FGGY: variants seen among roughly 807,000 people sequenced by gnomAD.
The protein encoded by FGGY is FGGY carbohydrate kinase domain containing.
In FGGY, 72 loss-of-function variants were observed where a neutral mutation model predicts 71.3. The ratio of observed to expected loss-of-function variants is 1.01; its 90% CI spans 0.84 to 1.23. The LOEUF is 1.23. Among genes scored for constraint, FGGY ranks in the 50% most tolerant of loss-of-function variants. FGGY has a pLI of 0.00. For missense variants in FGGY, 668 were observed against 682.3 expected (o/e 0.98, Z 0.23); for synonymous variants, 251 against 250.3 (o/e 1.00, Z -0.02).
At chr1:59,444,083 A>C (rs942591805) in intron 5 of FGGY, among the ~76,000 whole-genome samples, 1 of 152,308 alleles carries the variant, frequency 6.6e-6, no homozygotes, top group East Asian at 1.9e-4. Context: ...AGGCAGGAGC[A>C]AACCCAAGGG....
In FGGY at chr1:59,748,574, T is replaced by C. The variant is rs575150676; in HGVS notation, c.1513-9357T>C. Among the ~76,000 whole-genome samples, 8 of 152,308 alleles carry C rather than the reference T, an allele frequency of 5.3e-5. No homozygotes were observed. The East Asian group carries it at 1.4e-3, about 26-fold the overall frequency. ...CCAGCCCAGTAAGCAGGGCATGAGATGAGACTGGAGACATCTGCATAAACT... is the reference window on the plus strand; with the variant it reads ...CCAGCCCAGTAAGCAGGGCATGAGACGAGACTGGAGACATCTGCATAAACT... On this transcript the variant is annotated intron_variant, in intron 14 of 15. Coordinates refer to ENST00000303721, the MANE Select transcript of FGGY (RefSeq NM_018291.5).
intron 7 of FGGY, among the ~76,000 whole-genome samples, chr1:59,542,445 CTTTTTTTTTTTTTTTT>C (rs754831417): frequency 8.8e-5 from 3 of 34,246 alleles, no homozygotes; most frequent in Non-Finnish European, 1.1e-4. Flanking sequence ...ATGTTCTTTA[CTTTTTTTTTTTTTTTT>C]TTTTTTTTTT....
At chr1:59,474,094 C>T (rs114116859) in intron 6 of FGGY, 1 of 152,334 alleles carries the variant, frequency 6.6e-6, no homozygotes, top group African/African-American at 2.4e-5. Context: ...TGTGTTCACA[C>T]TCCTTAGATT....
rs1488685972 is a variant in FGGY at position 59,517,375 on chromosome 1, C to T, written c.799+4936C>T. ...CCGCCTCCCGGGTTCACGCCATTCTCCTGCCTCAGCCTCCCAAGTAGCTGG... is the reference window on the plus strand; with the variant it reads ...CCGCCTCCCGGGTTCACGCCATTCTTCTGCCTCAGCCTCCCAAGTAGCTGG... On this transcript the variant is annotated intron_variant, in intron 7 of 15. Coordinates refer to ENST00000303721, the MANE Select transcript of FGGY (RefSeq NM_018291.5). Among the ~76,000 whole-genome samples the T allele has an allele frequency of 5.4e-5, 8 of 149,396 alleles. No individual in the cohort carries two copies. The South Asian group carries it at 6.4e-4, about 12-fold the overall frequency.
At position 59,738,034 on chromosome 1, in the gene FGGY, G is replaced by A. The variant is rs190689737; in HGVS notation, c.1513-19897G>A. 1.9e-3 allele frequency among the ~76,000 whole-genome samples: 296 copies of A among 152,296 alleles called. 2 individuals carry two copies. The highest frequency in any genetic ancestry group is 6.8e-3 in the African/African-American group (281 of 41,562). On this transcript the variant is annotated intron_variant, in intron 14 of 15. Transcript: ENST00000303721. Reference sequence around the variant, plus strand: ...TTACAAAGTAAAAGAAGAGTCTAGAGCCCAGGTCTCCTGAGTCCTCAGAAT... The same window carrying A: ...TTACAAAGTAAAAGAAGAGTCTAGAACCCAGGTCTCCTGAGTCCTCAGAAT...
intron 7 of FGGY, among the ~76,000 whole-genome samples, chr1:59,519,494 G>A (rs541709898): frequency 1.1e-4 from 17 of 152,186 alleles, no homozygotes; most frequent in Non-Finnish European, 2.2e-4. Context: ...GATTCCTAGA[G>A]GGAGTGATGT....
chr1:59,756,282 T>C (rs2098290465), intron 14 of FGGY, among the ~76,000 whole-genome samples: 1 of 152,212 alleles, frequency 6.6e-6, no homozygotes, highest in African/African-American at 2.4e-5. Flanking sequence ...TGGCTACTCT[T>C]AGCATCTCTG....
intron 6 of FGGY, among the ~76,000 whole-genome samples, chr1:59,473,246 G>C (rs962218457): frequency 1.6e-4 from 25 of 151,516 alleles, no homozygotes; most frequent in South Asian, 2.1e-4. Context: ...CGAACCCACC[G>C]GGAGGAACGA....
chr1:59,342,543 C>T (rs1416921369), intron 3 of FGGY, among the ~76,000 whole-genome samples: 1 of 152,188 alleles, frequency 6.6e-6, no homozygotes, highest in East Asian at 1.9e-4. Flanking sequence ...CATCCAGCTG[C>T]AGGTGCCCTC....
Position 59,590,166 on chromosome 1 carries a change from T to G in FGGY, c.904-17637T>G, listed in dbSNP as rs551495437. On this transcript the variant is annotated intron_variant, in intron 8 of 15. Transcript: ENST00000303721. Reference sequence around the variant, plus strand: ...CAGAGAATACTACAAACACCTCTACTCAAATAAACTAGAAAATCTAGAAGA... The same window carrying G: ...CAGAGAATACTACAAACACCTCTACGCAAATAAACTAGAAAATCTAGAAGA... Among the ~76,000 whole-genome samples, 653 of 152,020 alleles carry G rather than the reference T, an allele frequency of 4.3e-3. 6 individuals are homozygous for G. The highest frequency in any genetic ancestry group is 0.014 in the Middle Eastern group (4 of 294).
chr1:59,729,810 T>C (rs1441808079), intron 14 of FGGY, among the ~76,000 whole-genome samples: 1 of 152,182 alleles, frequency 6.6e-6, no homozygotes. Flanking sequence ...AGGCCCCTAC[T>C]CCTTTAGGTG....
chr1:59,612,899 A>G (rs1572094587), intron 9 of FGGY, among the ~76,000 whole-genome samples: 2 of 152,336 alleles, frequency 1.3e-5, no homozygotes, highest in Middle Eastern at 3.4e-3. Flanking sequence ...AGAGACAAAG[A>G]AGGCCATTAC....
chr1:59,531,545 G>A (rs2095143580), intron 7 of FGGY, among the ~76,000 whole-genome samples: 1 of 152,150 alleles, frequency 6.6e-6, no homozygotes, highest in South Asian at 2.1e-4. Context: ...ACAGAGCTGG[G>A]TTCAACATTT....
intron 7 of FGGY, among the ~76,000 whole-genome samples, chr1:59,549,297 G>A (rs968457568): frequency 6.6e-6 from 1 of 152,168 alleles, no homozygotes; most frequent in African/African-American, 2.4e-5. Context: ...TCATCCAAAT[G>A]ACTGAATCAA....
chr1:59,635,272 C>G (rs2096946320), intron 10 of FGGY, among the ~76,000 whole-genome samples: 3 of 152,146 alleles, frequency 2.0e-5, no homozygotes, highest in African/African-American at 7.2e-5. Context: ...AGGAGAATGG[C>G]TGCATTCAAA....
chr1:59,759,101 G>A (rs1336184049), intron 15 of FGGY, among the ~76,000 whole-genome samples: 1 of 152,182 alleles, frequency 6.6e-6, no homozygotes, highest in Non-Finnish European at 1.5e-5. Flanking sequence ...TTGTGGAAGT[G>A]CTTTTATAAT....
At chr1:59,460,265 C>T (rs991052100) in intron 6 of FGGY, among the ~76,000 whole-genome samples, 6 of 152,162 alleles carry the variant, frequency 3.9e-5, no homozygotes, top group East Asian at 3.9e-4. Flanking sequence ...CCTGGCTCGG[C>T]GGGTCCCATG....
intron 8 of FGGY, among the ~76,000 whole-genome samples, chr1:59,580,638 C>G (rs1210402490): frequency 3.9e-5 from 6 of 152,146 alleles, no homozygotes; most frequent in Non-Finnish European, 7.3e-5. Context: ...TCAGCAACCG[C>G]AGGTCCTTCT....
intron 14 of FGGY, among the ~76,000 whole-genome samples, chr1:59,756,288 C>T (rs1307794995): frequency 3.9e-5 from 6 of 152,198 alleles, no homozygotes; most frequent in African/African-American, 1.4e-4. Flanking sequence ...CTCTTAGCAT[C>T]TCTGATCTCC....
Sources: allele counts gnomAD v4.1 joint callset (sites outside exome capture counted in the v4.1 genomes callset), GRCh38; gene constraint gnomAD v4.1.1; transcripts MANE v1.5; gene names NCBI Gene and HGNC (gene_info 2026-07-23, HGNC 2026-07-21).